The following CNTN5 variants were observed in gnomAD, a reference collection of about 807,000 sequenced individuals.
CNTN5 encodes contactin 5, also known as contactin-5.
A neutral mutation model predicts 129.1 loss-of-function variants in CNTN5; 77 were observed. That is an observed-to-expected ratio of 0.60 (90% CI 0.50 to 0.72). The LOEUF is 0.72. CNTN5 is among the 30% of genes least tolerant of loss of function. CNTN5 has a pLI of 0.00. For synonymous variants in CNTN5, 509 were observed against 465.6 expected, an observed-to-expected ratio of 1.09 and a Z score of -1.20; for missense variants, 1,478 against 1,328.8, an observed-to-expected ratio of 1.11 and a Z score of -1.75.
intron 3 of CNTN5, among the ~76,000 whole-genome samples, chr11:99,566,637 T>C (rs2135564629): frequency 2.0e-5 from 3 of 152,304 alleles, no homozygotes; most frequent in Admixed American, 2.0e-4. Flanking sequence ...AAAGAGGATT[T>C]GCAGAAAAGG....
At chr11:100,149,186 CCTCTAAACTAATTTCATT>C (rs1423088329) in intron 13 of CNTN5, among the ~76,000 whole-genome samples, 1 of 152,092 alleles carries the variant, frequency 6.6e-6, no homozygotes, top group Non-Finnish European at 1.5e-5. Flanking sequence ...AATGTCTGTT[CCTCTAAACTAATTTCATT>C]CATTTTCTGT....
At chr11:99,653,003 T>G (rs1298679043) in intron 3 of CNTN5, among the ~76,000 whole-genome samples, 1 of 151,944 alleles carries the variant, frequency 6.6e-6, no homozygotes, top group East Asian at 1.9e-4. Context: ...ATTTGCTGAT[T>G]TAAATGACCT....
intron 1 of CNTN5, among the ~76,000 whole-genome samples, chr11:99,070,940 G>A (rs1865316941): frequency 6.6e-6 from 1 of 152,080 alleles, no homozygotes; most frequent in South Asian, 2.1e-4. Flanking sequence ...CAAATCATCT[G>A]TAAATCTTTC....
chr11:100,284,637 C>A (rs1249604126), intron 18 of CNTN5, among the ~76,000 whole-genome samples: 1 of 152,090 alleles, frequency 6.6e-6, no homozygotes, highest in Non-Finnish European at 1.5e-5. Flanking sequence ...TTTTAATATT[C>A]TATACGTTAC....
intron 3 of CNTN5, among the ~76,000 whole-genome samples, chr11:99,752,502 T>G (rs889883263): frequency 1.3e-5 from 2 of 152,216 alleles, no homozygotes; most frequent in African/African-American, 4.8e-5. Context: ...GGTAATTATT[T>G]AAAGAGGAAA....
intron 3 of CNTN5, among the ~76,000 whole-genome samples, chr11:99,777,444 A>G (rs189419049): frequency 2.1e-4 from 32 of 151,942 alleles, no homozygotes; most frequent in African/African-American, 7.7e-4. Flanking sequence ...CAAAATTAAG[A>G]GAGTAAACGA....
chr11:99,970,138 T>A (rs1360335082), intron 8 of CNTN5, among the ~76,000 whole-genome samples: 1 of 152,156 alleles, frequency 6.6e-6, no homozygotes, highest in Non-Finnish European at 1.5e-5. Context: ...TTCTTAGCCA[T>A]TCCTTTCTTC....
At chr11:99,285,174 T>G (rs1863877970) in intron 1 of CNTN5, among the ~76,000 whole-genome samples, 2 of 152,156 alleles carry the variant, frequency 1.3e-5, no homozygotes, top group Admixed American at 1.3e-4. Context: ...TGGACTCAGA[T>G]GTGGCAGATA....
At chr11:100,086,999 A>C (rs1005125962) in intron 13 of CNTN5, among the ~76,000 whole-genome samples, 1 of 151,754 alleles carries the variant, frequency 6.6e-6, no homozygotes, top group Non-Finnish European at 1.5e-5. Context: ...AGTAAATGCA[A>C]GAAAATAATA....
intron 3 of CNTN5, among the ~76,000 whole-genome samples, chr11:99,587,958 A>T (rs1434029673): frequency 6.6e-6 from 1 of 152,202 alleles, no homozygotes; most frequent in Admixed American, 6.5e-5. Context: ...GGAACAGCAT[A>T]ACAAGAGAAC....
chr11:100,304,883 T>G (rs1344629026), intron 20 of CNTN5, among the ~76,000 whole-genome samples: 1 of 151,060 alleles, frequency 6.6e-6, no homozygotes, highest in African/African-American at 2.4e-5. Flanking sequence ...TGGAAAGAAT[T>G]AAGAACAGGG....
At chr11:99,844,222 G>C (rs959792857) in intron 4 of CNTN5, among the ~76,000 whole-genome samples, 2 of 152,036 alleles carry the variant, frequency 1.3e-5, no homozygotes, top group Non-Finnish European at 2.9e-5. Flanking sequence ...TTTGTCTTCT[G>C]ATCTTATTGA....
chr11:99,524,038 A>G (rs189955460), intron 2 of CNTN5, among the ~76,000 whole-genome samples: 85 of 152,342 alleles, frequency 5.6e-4, no homozygotes, highest in African/African-American at 1.9e-3. Context: ...GGGAGAAATG[A>G]CAAGAAATTT....
chr11:99,370,530 T>C (rs745632994), intron 2 of CNTN5, among the ~76,000 whole-genome samples: 12 of 152,236 alleles, frequency 7.9e-5, no homozygotes, highest in Non-Finnish European at 1.2e-4. Flanking sequence ...ATTCAAGTGT[T>C]CGTGCTATAT....
At chr11:99,146,575 AATAGT>A (rs1353909618) in intron 1 of CNTN5, among the ~76,000 whole-genome samples, 1 of 152,208 alleles carries the variant, frequency 6.6e-6, no homozygotes, top group Non-Finnish European at 1.5e-5. Flanking sequence ...TCTAAACACA[AATAGT>A]ATTAAATCAA....
chr11:99,893,818 TA>T (rs1949128485), intron 6 of CNTN5, among the ~76,000 whole-genome samples: 1 of 152,312 alleles, frequency 6.6e-6, no homozygotes, highest in African/African-American at 2.4e-5. Context: ...TATATTAACA[TA>T]AGCATATTTA....
At position 99,898,897 on chromosome 11, in the gene CNTN5, A is replaced by T. The variant is rs1591384653; in HGVS notation, c.578-17157A>T. Among the ~76,000 whole-genome samples the T allele has an allele frequency of 2.6e-5, 4 of 152,170 alleles. No individual in the cohort carries two copies. The East Asian group carries it at 7.7e-4, about 29-fold the overall frequency. On this transcript the variant is annotated intron_variant, in intron 6 of 24. Coordinates refer to ENST00000524871, the MANE Select transcript of CNTN5 (RefSeq NM_014361.4). ...ATTCTACTGAATTACTTAGAATTTC[A>T]AGATCAACGTAAAGTTGCTTCTTTA...
intron 10 of CNTN5, among the ~76,000 whole-genome samples, chr11:100,061,817 C>T (rs1431596192): frequency 6.6e-6 from 1 of 152,200 alleles, no homozygotes; most frequent in Admixed American, 6.5e-5. Flanking sequence ...CACTTGTTTA[C>T]ATATCACCTG....
intron 13 of CNTN5, among the ~76,000 whole-genome samples, chr11:100,156,390 T>G (rs1211890872): frequency 6.6e-6 from 1 of 152,162 alleles, no homozygotes; most frequent in Non-Finnish European, 1.5e-5. Flanking sequence ...GATGTGCTGC[T>G]GGATTTGGTT....
Sources: allele counts gnomAD v4.1 joint callset (sites outside exome capture counted in the v4.1 genomes callset), GRCh38; gene constraint gnomAD v4.1.1; transcripts MANE v1.5; gene names NCBI Gene and HGNC (gene_info 2026-07-23, HGNC 2026-07-21).